TCP11L1: variants seen among roughly 807,000 people sequenced by gnomAD.
TCP11L1 encodes T-complex protein 11-like protein 1.
In TCP11L1, 28 loss-of-function variants were observed where a neutral mutation model predicts 48.9. The observed-to-expected ratio is 0.57, with a 90% CI of 0.42 to 0.78. The LOEUF (loss-of-function observed/expected upper bound fraction) is 0.78, where lower values mean the gene tolerates loss of function less well. Among genes scored for constraint, TCP11L1 ranks in the 30% least tolerant of loss-of-function variants. The pLI is 0.00. For missense variants in TCP11L1, 505 were observed against 613.4 expected, an observed-to-expected ratio of 0.82 and a Z score of 1.87; for synonymous variants, 204 against 231.9, an observed-to-expected ratio of 0.88 and a Z score of 1.09.
At chr11:33,063,984 C>G (rs1179296651) in intron 7 of TCP11L1, among the ~76,000 whole-genome samples, 2 of 152,024 alleles carry the variant, frequency 1.3e-5, no homozygotes, top group Non-Finnish European at 2.9e-5. Context: ...CATCCAATAC[C>G]TCCCTTTTCC....
At chr11:33,072,141 G>A (rs2133754530) in intron 9 of TCP11L1, among the ~76,000 whole-genome samples, 1 of 152,142 alleles carries the variant, frequency 6.6e-6, no homozygotes, top group Non-Finnish European at 1.5e-5. Context: ...ACCGCGCCTG[G>A]CCACTCATGC....
intron 9 of TCP11L1, among the ~76,000 whole-genome samples, chr11:33,069,916 T>C (rs1322435665): frequency 6.6e-6 from 1 of 152,174 alleles, no homozygotes; most frequent in Non-Finnish European, 1.5e-5. Flanking sequence ...CCAAGATTTA[T>C]ACTCACAACC....
At chr11:33,059,377 C>T (rs533657612) in intron 6 of TCP11L1, among the ~76,000 whole-genome samples, 1 of 152,204 alleles carries the variant, frequency 6.6e-6, no homozygotes, top group South Asian at 2.1e-4. Flanking sequence ...GATGAAAACA[C>T]CAGTTTGAAG....
intron 2 of TCP11L1, among the ~76,000 whole-genome samples, chr11:33,045,162 CT>C (rs1251553027): frequency 6.6e-6 from 1 of 151,864 alleles, no homozygotes; most frequent in Non-Finnish European, 1.5e-5. Context: ...CAAGACCAGC[CT>C]AGGCAACATA....
intron 2 of TCP11L1, 77 bp downstream of exon 2, chr11:33,044,013 A>G (rs1853914730): frequency 7.0e-7 from 1 of 1,423,128 alleles, no homozygotes. Context: ...CTCCTTGTGC[A>G]TGTGGCCGTG....
intron 3 of TCP11L1, among the ~76,000 whole-genome samples, chr11:33,055,081 A>T (rs1854272531): frequency 6.6e-6 from 1 of 152,202 alleles, no homozygotes; most frequent in African/African-American, 2.4e-5. Flanking sequence ...CCATTTTTTT[A>T]TTGAATCAAA....
chr11:33,062,287 G>A (rs1474391530), intron 7 of TCP11L1, among the ~76,000 whole-genome samples: 2 of 151,818 alleles, frequency 1.3e-5, no homozygotes, highest in African/African-American at 2.4e-5. Context: ...ATCCATCAGC[G>A]GTCACTGCCC....
intron 2 of TCP11L1, among the ~76,000 whole-genome samples, chr11:33,052,530 A>G (rs934133628): frequency 6.6e-6 from 1 of 152,012 alleles, no homozygotes; most frequent in African/African-American, 2.4e-5. Context: ...ACTTTTCACC[A>G]ATGTAAGAAG....
At chr11:33,054,258 A>C (rs151302041) in intron 2 of TCP11L1, among the ~76,000 whole-genome samples, 2 of 151,986 alleles carry the variant, frequency 1.3e-5, no homozygotes, top group African/African-American at 4.8e-5. Flanking sequence ...GACAGGAGGC[A>C]GAAAGACTAG....
chr11:33,060,788 T>C (rs1854445895), intron 6 of TCP11L1, among the ~76,000 whole-genome samples: 1 of 152,154 alleles, frequency 6.6e-6, no homozygotes, highest in Admixed American at 6.5e-5. Flanking sequence ...GAGGATACTT[T>C]ACACAGGGAA....
rs1388902641 is a variant in TCP11L1, at chr11:33,068,673, C to T, written c.1155-14C>T. On this transcript the variant is annotated splice_polypyrimidine_tract_variant and intron_variant, in intron 8 of 9. Coordinates refer to ENST00000334274, the MANE Select transcript of TCP11L1 (RefSeq NM_018393.4). ...ATTTTACTTATAGGCCCTTTCTCCC[C>T]TCCTCTGCCCCAGCTCCTTCCATCT... is the stretch of plus-strand genomic sequence containing the variant. The T allele has an allele frequency of 2.5e-6, 4 of 1,611,538 alleles. No individual in the cohort carries two copies. Among genetic ancestry groups the T allele is most frequent in the Non-Finnish European group, 3.4e-6 (4 of 1,177,992 alleles).
chr11:33,055,507 C>T (rs560210343), intron 3 of TCP11L1, among the ~76,000 whole-genome samples: 1 of 152,296 alleles, frequency 6.6e-6, no homozygotes, highest in South Asian at 2.1e-4. Flanking sequence ...AGAATTTAGT[C>T]ACATGCTACC....
chr11:33,044,706 A>C (rs1317824060), intron 2 of TCP11L1, among the ~76,000 whole-genome samples: 1 of 152,224 alleles, frequency 6.6e-6, no homozygotes, highest in Non-Finnish European at 1.5e-5. Context: ...GCAATTTATT[A>C]GTCAACATAC....
chr11:33,061,526 A>AC lies in TCP11L1; in HGVS notation c.776-3dup. 1 of 1,593,004 alleles carries AC rather than the reference A, an allele frequency of 6.3e-7. No homozygotes were observed. Among genetic ancestry groups the AC allele is most frequent in the Non-Finnish European group, 8.6e-7 (1 of 1,168,506 alleles). Reference sequence around the variant, plus strand: ...GGTAATGTGTGCAGCTTTGTTTTTCACAGATTCCCTGGACTTTGTCACCCA... The same window carrying AC: ...GGTAATGTGTGCAGCTTTGTTTTTCACCAGATTCCCTGGACTTTGTCACCCA... On this transcript the variant is annotated splice_polypyrimidine_tract_variant and splice_region_variant and intron_variant, in intron 6 of 9. Transcript: ENST00000334274.
chr11:33,057,187 T>TC lies in TCP11L1; in HGVS notation c.374dup (p.Ala126SerfsTer3). 1 of 1,613,990 alleles carries TC rather than the reference T, an allele frequency of 6.2e-7. No individual in the cohort carries two copies. Among genetic ancestry groups the TC allele is most frequent in the Non-Finnish European group, 8.5e-7 (1 of 1,179,990 alleles). ...GCTTGAGTGTGCAGCTAAGTGAAGA[T>TC]CCCCCAGCATATGACCATGCTATCA... On this transcript the variant is annotated frameshift_variant, in exon 4 of 10. Coordinates refer to ENST00000334274, the MANE Select transcript of TCP11L1 (RefSeq NM_018393.4). LOFTEE classifies it high-confidence loss of function.
chr11:33,053,337 G>A (rs1253491010), intron 2 of TCP11L1, among the ~76,000 whole-genome samples: 1 of 151,996 alleles, frequency 6.6e-6, no homozygotes, highest in African/African-American at 2.4e-5. Flanking sequence ...TAGAGACAAG[G>A]TTTCACCATG....
intron 3 of TCP11L1, chr11:33,056,844 A>T (rs1025098625): frequency 2.6e-6 from 1 of 385,618 alleles, no homozygotes; most frequent in Admixed American, 4.1e-5. Flanking sequence ...TATTCTTATT[A>T]TATGGCACTG....
chr11:33,066,420 G>A (rs1171114936), intron 8 of TCP11L1, among the ~76,000 whole-genome samples: 1 of 152,182 alleles, frequency 6.6e-6, no homozygotes, highest in Non-Finnish European at 1.5e-5. Context: ...CATAGTAGAT[G>A]TGAGGGAGCA....
At chr11:33,055,200 G>A (rs1225855533) in intron 3 of TCP11L1, among the ~76,000 whole-genome samples, 1 of 152,164 alleles carries the variant, frequency 6.6e-6, no homozygotes, top group Admixed American at 6.5e-5. Context: ...AAAGATCCAA[G>A]TTTCTGAGAG....
Sources: allele counts gnomAD v4.1 joint callset (sites outside exome capture counted in the v4.1 genomes callset), GRCh38; gene constraint gnomAD v4.1.1; transcripts MANE v1.5; gene names NCBI Gene and HGNC (gene_info 2026-07-23, HGNC 2026-07-21).